ARHGAP21: variants seen among roughly 807,000 people sequenced by gnomAD.
The protein encoded by ARHGAP21 is rho GTPase-activating protein 21.
In ARHGAP21, 38 loss-of-function variants were observed where a neutral mutation model predicts 164.6. The ratio of observed to expected loss-of-function variants is 0.23; its 90% CI spans 0.18 to 0.30. ARHGAP21 has a LOEUF of 0.30. ARHGAP21 is among the 10% of genes least tolerant of loss of function. The pLI is 1.00. For synonymous variants in ARHGAP21, 766 were observed against 857.9 expected, an observed-to-expected ratio of 0.89 and a Z score of 1.87; for missense variants, 1,822 against 2,370.7, an observed-to-expected ratio of 0.77 and a Z score of 4.81.
At chr10:24,590,712 T>A (rs1451623447) in intron 24 of ARHGAP21, 1 of 985,230 alleles carries the variant, frequency 1.0e-6, no homozygotes, top group Non-Finnish European at 1.2e-6. Flanking sequence ...ATAGGCTGGC[T>A]TTTTACTGTG....
chr10:24,594,750 A>T (rs879375030), intron 21 of ARHGAP21, among the ~76,000 whole-genome samples, 200 bp downstream of exon 21: 2 of 152,224 alleles, frequency 1.3e-5, no homozygotes, highest in African/African-American at 2.4e-5. Context: ...CCATAAAAGA[A>T]ATCTTTTAAA....
In ARHGAP21 at chr10:24,595,789, G is replaced by T; in HGVS notation, c.3640C>A (p.Arg1214=). 1.4e-5 allele frequency: 22 copies of T among 1,613,308 alleles called. No homozygotes were observed. Among genetic ancestry groups the T allele is most frequent in the Non-Finnish European group, 1.9e-5 (22 of 1,179,634 alleles). ...ADIDIQDDKW[R]DLNVISSLLK... Reference sequence around the variant, plus strand: ...AAACTGCTTATCACATTCAAATCTCGCCATTTCTAGGTGTACAAAATAGAA... The same window carrying T: ...AAACTGCTTATCACATTCAAATCTCTCCATTTCTAGGTGTACAAAATAGAA... Residue 1214 remains arginine, a synonymous_variant, in exon 19 of 26, where the codon CGA becomes AGA. Transcript: ENST00000396432.
intron 24 of ARHGAP21, chr10:24,590,537 G>A: frequency 1.3e-6 from 2 of 1,516,366 alleles, no homozygotes; most frequent in Non-Finnish European, 1.8e-6. Flanking sequence ...AACCCTTTAG[G>A]ACTAAAACAA....
intron 7 of ARHGAP21, among the ~76,000 whole-genome samples, chr10:24,625,092 ATGACCCAAAGAATTCTTTCTT>A (rs1834991251): frequency 7.0e-6 from 1 of 143,790 alleles, no homozygotes; most frequent in African/African-American, 2.6e-5. Context: ...AATAAGAAAG[ATGACCCAAAGAATTCTTTCTT>A]TGTAATTAGA....
Position 24,607,729 on chromosome 10 carries a change from C to T in ARHGAP21, c.2581+16G>A. ...GAGCATGAGATACGGTTTACAAAAC[C>T]ACCCTTTAGACGTACCGTGGTCATG... On this transcript the variant is annotated intron_variant, in intron 10 of 25. Transcript: ENST00000396432. The T allele has an allele frequency of 6.2e-7, 1 of 1,612,446 alleles. No individual in the cohort carries two copies. The highest frequency in any genetic ancestry group is 8.5e-7 in the Non-Finnish European group (1 of 1,179,172).
rs991358290 is a variant in ARHGAP21, at chr10:24,607,805, C to A, written c.2521G>T (p.Val841Phe). Residue 841 changes from valine (V) to phenylalanine (F), a missense_variant, in exon 10 of 26, where the codon GTT becomes TTT. By Grantham distance (50) the Val-to-Phe change is conservative. This residue lies in a region of ARHGAP21 where 1,090 missense variants were observed against 1,378.9 expected (regional missense o/e 0.79). Transcript: ENST00000396432. Reference protein sequence around the residue: ...STSQVPSIATVPPCLTTSAPL... With the variant: ...STSQVPSIATFPPCLTTSAPL... ...GCTGAAGTTGTGAGGCAAGGAGGAA[C>A]TGTTGCTATGGAGGGGACCTGAGAG... 1.2e-6 allele frequency: 2 copies of A among 1,614,072 alleles called. No homozygotes were observed. The highest frequency in any genetic ancestry group is 1.7e-6 in the Non-Finnish European group (2 of 1,180,014).
At chr10:24,626,500 A>G (rs1244031788) in intron 7 of ARHGAP21, among the ~76,000 whole-genome samples, 1 of 152,178 alleles carries the variant, frequency 6.6e-6, no homozygotes, top group East Asian at 1.9e-4. Flanking sequence ...GGTACTATCT[A>G]TGAGAAAATG....
chr10:24,673,365 T>C (rs1053449695), intron 2 of ARHGAP21, among the ~76,000 whole-genome samples: 3 of 152,226 alleles, frequency 2.0e-5, no homozygotes, highest in Non-Finnish European at 1.5e-5. Context: ...AGTCCTGCTC[T>C]AGACCCACAA....
At chr10:24,635,534 TTTG>T (rs1836290516) in intron 4 of ARHGAP21, among the ~76,000 whole-genome samples, 1 of 150,100 alleles carries the variant, frequency 6.7e-6, no homozygotes, top group Admixed American at 6.6e-5. Context: ...GCTTTTGTTT[TTTG>T]TTTTGTTTTG....
chr10:24,720,326 T>G (rs919124250), intron 2 of ARHGAP21, among the ~76,000 whole-genome samples: 1 of 151,716 alleles, frequency 6.6e-6, no homozygotes, highest in African/African-American at 2.4e-5. Flanking sequence ...AATTAAAGTA[T>G]TCACAAGACA....
Position 24,584,751 on chromosome 10 carries a change from G to C in ARHGAP21, c.5538C>G (p.Asp1846Glu), listed in dbSNP as rs754062341. The C allele has an allele frequency of 6.2e-7, 1 of 1,613,994 alleles. No individual in the cohort carries two copies. Among genetic ancestry groups the C allele is most frequent in the South Asian group, 1.1e-5 (1 of 91,072 alleles). ...NRLKPKCSAQ[D>E]LSISDWLARE... is the part of the protein sequence containing the mutation. Reference sequence around the variant, plus strand: ...TGGCCAGCCAGTCTGAGATGGAAAGGTCCTGGGCTGAGCATTTTGGTTTTA... The same window carrying C: ...TGGCCAGCCAGTCTGAGATGGAAAGCTCCTGGGCTGAGCATTTTGGTTTTA... Residue 1846 changes from aspartate (D) to glutamate (E), a missense_variant, in exon 26 of 26, where the codon GAC (aspartate) becomes GAG (glutamate). This residue lies in a region of ARHGAP21 where 165 missense variants were observed against 176.6 expected (regional missense o/e 0.93). Coordinates refer to ENST00000396432, the MANE Select transcript of ARHGAP21 (RefSeq NM_020824.4).
At chr10:24,712,640 T>A (rs1844947858) in intron 2 of ARHGAP21, among the ~76,000 whole-genome samples, 1 of 152,144 alleles carries the variant, frequency 6.6e-6, no homozygotes, top group South Asian at 2.1e-4. Flanking sequence ...ATATTTTTGA[T>A]CCACAGTTAG....
intron 6 of ARHGAP21, among the ~76,000 whole-genome samples, chr10:24,632,522 T>C (rs1232560486): frequency 2.0e-5 from 3 of 152,210 alleles, no homozygotes; most frequent in African/African-American, 7.2e-5. Flanking sequence ...TGTCATTTAA[T>C]TGTAAGAAAT....
In ARHGAP21 at chr10:24,585,051, T is replaced by C. The variant is rs537066065; in HGVS notation, c.5238A>G (p.Leu1746=). The C allele has an allele frequency of 4.0e-5, 65 of 1,613,956 alleles. 1 individual carries two copies. The East Asian group carries it at 1.4e-3, about 34-fold the overall frequency. The change falls in exon 26 of 26, where the codon TTA becomes TTG. Residue 1746 remains leucine, a synonymous_variant. Transcript: ENST00000396432. The stretch of plus-strand genomic sequence containing the variant: ...CGGATTCGCCTCTGGTGGGTGTCAG[T>C]AAACTCCCAGTTGACTTTCCTTTTT... ...VMKKGKSTGS[L]LTPTRGESEK...
intron 5 of ARHGAP21, among the ~76,000 whole-genome samples, chr10:24,633,868 CCT>C: frequency 6.8e-6 from 1 of 146,442 alleles, no homozygotes; most frequent in Non-Finnish European, 1.5e-5. Context: ...CTCCACGTAC[CCT>C]GTCTTTTTTT....
Position 24,649,054 on chromosome 10 carries a change from T to C in ARHGAP21, c.269-13951A>G, listed in dbSNP as rs578067825. On this transcript the variant is annotated intron_variant, in intron 4 of 25. Transcript: ENST00000396432. ...ATATGTGTACATGTGTATATATGTA[T>C]ATAAGTGAGTTTATACAGTTTACAT... Among the ~76,000 whole-genome samples, 36 of 152,240 alleles carry C rather than the reference T, an allele frequency of 2.4e-4. 1 individual carries two copies. Among genetic ancestry groups the C allele is most frequent in the South Asian group, 4.1e-4 (2 of 4,834 alleles).
chr10:24,606,911 A>G (rs1236983460), intron 11 of ARHGAP21, among the ~76,000 whole-genome samples: 2 of 152,216 alleles, frequency 1.3e-5, no homozygotes, highest in African/African-American at 2.4e-5. Context: ...TTTCGATTAT[A>G]TTTATTCACA....
At chr10:24,672,909 C>T (rs957976635) in intron 2 of ARHGAP21, among the ~76,000 whole-genome samples, 1 of 151,948 alleles carries the variant, frequency 6.6e-6, no homozygotes. Flanking sequence ...TTTCCATATA[C>T]TAGCAATAAG....
chr10:24,647,524 C>T (rs1293164287), intron 4 of ARHGAP21, among the ~76,000 whole-genome samples: 1 of 152,166 alleles, frequency 6.6e-6, no homozygotes, highest in African/African-American at 2.4e-5. Flanking sequence ...TTTTCTTCTT[C>T]AACAGCAGAG....
Sources: gnomAD v4.1 joint callset for allele counts (sites outside exome capture counted in the v4.1 genomes callset) on GRCh38, gnomAD v4.1.1 for gene constraint, gnomAD v4.1.1 regional missense constraint, MANE v1.5 for transcripts, NCBI Gene and HGNC (gene_info 2026-07-23, HGNC 2026-07-21) for gene names.